CFAP91: variants seen among roughly 807,000 people sequenced by gnomAD.
The protein encoded by CFAP91 is cilia- and flagella-associated protein 91.
CFAP91 carries 85 observed loss-of-function variants against 95.9 expected under a neutral mutation model. The ratio of observed to expected loss-of-function variants is 0.89; its 90% CI spans 0.74 to 1.06. The LOEUF (loss-of-function observed/expected upper bound fraction) is 1.06. CFAP91 is among the 50% of genes least tolerant of loss of function. CFAP91 has a pLI of 0.00. For synonymous variants in CFAP91, 335 were observed against 327.5 expected (o/e 1.02, Z -0.25); for missense variants, 962 against 943.4 (o/e 1.02, Z -0.26).
At chr3:119,726,846 C>T (rs932230834) in intron 7 of CFAP91, among the ~76,000 whole-genome samples, 2 of 129,840 alleles carry the variant, frequency 1.5e-5, no homozygotes, top group African/African-American at 5.7e-5. Flanking sequence ...ACACTGGGTT[C>T]ACAGTCAGGA....
At chr3:119,742,791 A>G (rs2054145213) in intron 13 of CFAP91, among the ~76,000 whole-genome samples, 1 of 152,150 alleles carries the variant, frequency 6.6e-6, no homozygotes, top group African/African-American at 2.4e-5. Context: ...TGGGGCCAAC[A>G]ACCACACTTG....
At position 119,719,151 on chromosome 3, in the gene CFAP91, G is replaced by T. The variant is rs75911026; in HGVS notation, c.682+3408G>T. The stretch of plus-strand genomic sequence containing the variant: ...TGATTACAAGGGAGATTGTAGATGT[G>T]TATATAATTGCGTATATAATGCTGA... On this transcript the variant is annotated intron_variant, in intron 6 of 17. Coordinates refer to ENST00000273390, the MANE Select transcript of CFAP91 (RefSeq NM_033364.4). Among the ~76,000 whole-genome samples, 102 of 152,314 alleles carry T rather than the reference G, an allele frequency of 6.7e-4. No homozygotes were observed. The East Asian group carries it at 0.019, about 28-fold the overall frequency.
At chr3:119,736,758 G>A (rs1289012419) in intron 10 of CFAP91, among the ~76,000 whole-genome samples, 1 of 151,884 alleles carries the variant, frequency 6.6e-6, no homozygotes, top group Admixed American at 6.6e-5. Flanking sequence ...TCCATTGTGT[G>A]GATATACCAC....
At chr3:119,706,728 G>T (rs1422934999) in intron 1 of CFAP91, 81 bp from the exon 2 acceptor site, 1 of 1,047,608 alleles carries the variant, frequency 9.5e-7, no homozygotes. Flanking sequence ...CCAATTAAGA[G>T]ATTACATTAC....
intron 13 of CFAP91, 126 bp downstream of exon 13, chr3:119,740,821 C>G (rs572929169): frequency 2.0e-6 from 2 of 1,017,622 alleles, no homozygotes; most frequent in East Asian, 5.5e-5. Flanking sequence ...ACAATCCCAT[C>G]ACTCTGTCAG....
chr3:119,705,287 C>T (rs943724102), intron 1 of CFAP91, among the ~76,000 whole-genome samples: 1 of 152,202 alleles, frequency 6.6e-6, no homozygotes, highest in Non-Finnish European at 1.5e-5. Flanking sequence ...GGCCTTGGGC[C>T]AGGTTTCCAC....
intron 17 of CFAP91, among the ~76,000 whole-genome samples, chr3:119,754,806 A>T (rs2054393023): frequency 6.6e-6 from 1 of 152,202 alleles, no homozygotes; most frequent in African/African-American, 2.4e-5. Context: ...CAGGGACAGG[A>T]CACTTACCTA....
intron 17 of CFAP91, among the ~76,000 whole-genome samples, chr3:119,757,774 G>A (rs551112044): frequency 1.3e-5 from 2 of 152,204 alleles, no homozygotes; most frequent in South Asian, 4.1e-4. Flanking sequence ...CAAGGGCAGA[G>A]GGACATTACC....
At chr3:119,755,423 G>A (rs894474366) in intron 17 of CFAP91, among the ~76,000 whole-genome samples, 5 of 152,068 alleles carry the variant, frequency 3.3e-5, no homozygotes, top group Non-Finnish European at 7.4e-5. Flanking sequence ...TCATGATGGG[G>A]TTATTGCTTT....
intron 10 of CFAP91, among the ~76,000 whole-genome samples, chr3:119,734,241 T>TG (rs2053958144): frequency 6.6e-6 from 1 of 152,214 alleles, no homozygotes. Context: ...CTCTCATCAC[T>TG]GGCCCATGCA....
chr3:119,744,946 G>A (rs1372292974), intron 14 of CFAP91, among the ~76,000 whole-genome samples: 1 of 152,142 alleles, frequency 6.6e-6, no homozygotes, highest in Non-Finnish European at 1.5e-5. Flanking sequence ...AGAACCAGCT[G>A]GGGATGAGAA....
intron 15 of CFAP91, 196 bp downstream of exon 15, chr3:119,747,459 A>C (rs1427552736): frequency 5.3e-6 from 1 of 190,190 alleles, no homozygotes; most frequent in Non-Finnish European, 9.7e-6. Context: ...TATCCTCTGC[A>C]ATCTGGATTA....
At chr3:119,749,056 G>C (rs899093334) in intron 16 of CFAP91, 1 of 152,098 alleles carries the variant, frequency 6.6e-6, no homozygotes, top group African/African-American at 2.4e-5. Context: ...ATATATTTCT[G>C]TGTCACATTA....
chr3:119,751,764 A>G (rs1465549407), intron 17 of CFAP91, among the ~76,000 whole-genome samples: 3 of 152,118 alleles, frequency 2.0e-5, no homozygotes, highest in Admixed American at 6.6e-5. Flanking sequence ...AGAGGTTCAC[A>G]CCGGGTGGGT....
At chr3:119,739,156 A>G in intron 11 of CFAP91, 99 bp from the exon 12 acceptor site, 1 of 948,648 alleles carries the variant, frequency 1.1e-6, no homozygotes, top group Non-Finnish European at 1.7e-6. Flanking sequence ...TTTGGCATCT[A>G]GCACAGTCTG....
At chr3:119,718,753 A>C (rs1045335454) in intron 6 of CFAP91, among the ~76,000 whole-genome samples, 2 of 152,210 alleles carry the variant, frequency 1.3e-5, no homozygotes, top group African/African-American at 4.8e-5. Flanking sequence ...GAATTCTTTT[A>C]CCAGGCAAAC....
At chr3:119,740,473 C>A in intron 12 of CFAP91, 76 bp from the exon 13 acceptor site, 1 of 1,530,176 alleles carries the variant, frequency 6.5e-7, no homozygotes, top group South Asian at 1.2e-5. Flanking sequence ...TCTCACAAGT[C>A]ACTGCGTGTG....
rs780899289 is a variant in CFAP91 at position 119,750,959 on chromosome 3, T to C, written c.2166T>C (p.His722=). 6.2e-7 allele frequency: 1 copy of C among 1,613,870 alleles called. No homozygotes were observed. Among genetic ancestry groups the C allele is most frequent in the East Asian group, 2.2e-5 (1 of 44,898 alleles). Residue 722 remains histidine (H), a synonymous_variant, in exon 17 of 18, where the codon CAT becomes CAC. Coordinates refer to ENST00000273390, the MANE Select transcript of CFAP91 (RefSeq NM_033364.4). ...KEKVRNAQRK[H]ILAAHQIIHS... Reference sequence around the variant, plus strand: ...CAGTGAGGAACGCACAGCGGAAACATATTCTTGCAGCCCATCAGATCATCC... The same window carrying C: ...CAGTGAGGAACGCACAGCGGAAACACATTCTTGCAGCCCATCAGATCATCC...
At chr3:119,747,420 A>G (rs960257613) in intron 15 of CFAP91, 157 bp downstream of exon 15, 5 of 287,500 alleles carry the variant, frequency 1.7e-5, no homozygotes, top group African/African-American at 2.3e-5. Flanking sequence ...AGAAGCCAAT[A>G]TGTGTATGCC....
Sources: allele counts gnomAD v4.1 joint callset (sites outside exome capture counted in the v4.1 genomes callset), GRCh38; gene constraint gnomAD v4.1.1; transcripts MANE v1.5; gene names NCBI Gene and HGNC (gene_info 2026-07-23, HGNC 2026-07-21).